SPIN1: variants seen among roughly 807,000 people sequenced by gnomAD.
SPIN1 encodes spindlin-1.
Under a neutral mutation model 26.0 loss-of-function variants are expected in SPIN1, and 3 were observed. The observed-to-expected ratio is 0.12, with a 90% CI of 0.05 to 0.30. SPIN1 has a LOEUF of 0.30. Among genes scored for constraint, SPIN1 ranks in the 10% least tolerant of loss-of-function variants. The pLI is 1.00. For missense variants in SPIN1, 126 were observed against 333.4 expected (o/e 0.38, Z 4.84); for synonymous variants, 101 against 116.5 (o/e 0.87, Z 0.86).
Position 88,401,730 on chromosome 9 carries a change from A to G in SPIN1, c.-159+13192A>G, listed in dbSNP as rs376094876. On this transcript the variant is annotated intron_variant, in intron 1 of 5. Transcript: ENST00000375859. ...GTGGAGCTGAAGGGATAAGAGGCCA[A>G]GGGCCAACTATATTACACAAAAAAT... Among the ~76,000 whole-genome samples the G allele has an allele frequency of 2.0e-5, 3 of 152,216 alleles. No individual in the cohort carries two copies. The South Asian group carries it at 6.2e-4, about 32-fold the overall frequency.
At chr9:88,436,871 TCTC>T (rs1828010925) in intron 2 of SPIN1, among the ~76,000 whole-genome samples, 1 of 148,448 alleles carries the variant, frequency 6.7e-6, no homozygotes. Context: ...TTCACGCCAT[TCTC>T]CTGCCTCAGC....
chr9:88,475,427 T>C lies in SPIN1; in HGVS notation c.*150T>C. 1 of 692,170 alleles carries C rather than the reference T, an allele frequency of 1.4e-6. No individual in the cohort carries two copies. Among genetic ancestry groups the C allele is most frequent in the South Asian group, 2.3e-5 (1 of 44,200 alleles). 42.9% of individuals were successfully genotyped at this position (692,170 alleles called of 1,614,324 possible). A position where few individuals can be genotyped will look rare whatever the true frequency, so the allele number is the denominator to read the frequency against. On this transcript the variant is annotated 3_prime_UTR_variant, in exon 6 of 6. Coordinates refer to ENST00000375859, the MANE Select transcript of SPIN1 (RefSeq NM_006717.3). ...GCAGAACTGGTTTTGTTCTGAATAGTACAGATTGATGTGAACACAAAGCAT... is the reference window on the plus strand; with the variant it reads ...GCAGAACTGGTTTTGTTCTGAATAGCACAGATTGATGTGAACACAAAGCAT...
intron 2 of SPIN1, among the ~76,000 whole-genome samples, chr9:88,432,045 T>G (rs1198770161): frequency 4.6e-5 from 7 of 152,134 alleles, no homozygotes; most frequent in African/African-American, 1.7e-4. Flanking sequence ...AAAAATAGAT[T>G]TATTCTGTAA....
chr9:88,391,593 C>T (rs1341751177), intron 1 of SPIN1: 3 of 152,174 alleles, frequency 2.0e-5, no homozygotes, highest in South Asian at 2.1e-4. Flanking sequence ...TACTTCTACT[C>T]CTGAGGCAAG....
intron 1 of SPIN1, among the ~76,000 whole-genome samples, chr9:88,416,323 TTTTA>T (rs1216476876): frequency 6.6e-6 from 1 of 152,126 alleles, no homozygotes; most frequent in Non-Finnish European, 1.5e-5. Context: ...CCTATTTTTG[TTTTA>T]TTTGTTTATT....
intron 3 of SPIN1, among the ~76,000 whole-genome samples, chr9:88,453,888 G>A (rs1228372789): frequency 6.6e-6 from 1 of 152,152 alleles, no homozygotes; most frequent in Non-Finnish European, 1.5e-5. Context: ...CTAAATTATG[G>A]CAATGAAAGG....
chr9:88,423,939 G>C (rs1827718971), intron 1 of SPIN1, among the ~76,000 whole-genome samples: 1 of 151,852 alleles, frequency 6.6e-6, no homozygotes. Context: ...CTAATTTTTT[G>C]TTGTGTTTTT....
chr9:88,427,593 T>TC (rs1491097295), intron 2 of SPIN1, among the ~76,000 whole-genome samples: 1 of 151,958 alleles, frequency 6.6e-6, no homozygotes, highest in Admixed American at 6.6e-5. Flanking sequence ...ACTTTTTTTT[T>TC]CTTTTTCTCT....
chr9:88,401,268 C>T (rs1157635615), intron 1 of SPIN1, among the ~76,000 whole-genome samples: 1 of 152,134 alleles, frequency 6.6e-6, no homozygotes, highest in Non-Finnish European at 1.5e-5. Context: ...AAATTAGAAA[C>T]AACTGTCCAA....
intron 4 of SPIN1, 108 bp downstream of exon 4, chr9:88,462,857 A>G (rs1828597834): frequency 1.6e-6 from 2 of 1,260,246 alleles, no homozygotes; most frequent in Admixed American, 2.7e-5. Context: ...GAACACAAGC[A>G]CCCTTCTTGA....
chr9:88,457,899 A>G, intron 3 of SPIN1: 10 of 984,960 alleles, frequency 1.0e-5, no homozygotes, highest in Non-Finnish European at 1.1e-5. Flanking sequence ...CTAAGATAGT[A>G]GCAAAATGAA....
intron 5 of SPIN1, among the ~76,000 whole-genome samples, chr9:88,471,803 T>C (rs368576397): frequency 1.1e-4 from 17 of 152,132 alleles, no homozygotes; most frequent in Non-Finnish European, 2.1e-4. Flanking sequence ...GTGGTAAATT[T>C]TGAGATCAAG....
intron 4 of SPIN1, 40 bp downstream of exon 4, chr9:88,462,789 A>G: frequency 6.5e-7 from 1 of 1,541,736 alleles, no homozygotes. Context: ...ATACTTTAAA[A>G]ATGATATTGA....
At chr9:88,393,947 A>G (rs1826994915) in intron 1 of SPIN1, among the ~76,000 whole-genome samples, 1 of 152,066 alleles carries the variant, frequency 6.6e-6, no homozygotes, top group African/African-American at 2.4e-5. Flanking sequence ...TCCCGGGTTC[A>G]AGCTATTCTC....
intron 4 of SPIN1, among the ~76,000 whole-genome samples, chr9:88,463,644 C>T (rs1828611759): frequency 6.6e-6 from 1 of 152,086 alleles, no homozygotes; most frequent in South Asian, 2.1e-4. Flanking sequence ...TTAATTCTGC[C>T]TTAGTAGCAA....
chr9:88,465,331 A>T (rs1828644702), intron 4 of SPIN1, among the ~76,000 whole-genome samples: 1 of 152,158 alleles, frequency 6.6e-6, no homozygotes, highest in African/African-American at 2.4e-5. Flanking sequence ...TATAATTTTA[A>T]TTTTAGTATC....
intron 1 of SPIN1, chr9:88,411,002 T>G: frequency 6.5e-7 from 1 of 1,549,600 alleles, no homozygotes; most frequent in East Asian, 2.2e-5. Flanking sequence ...GTTGTGGTCG[T>G]CAAAGGTTAC....
Position 88,448,921 on chromosome 9 carries a change from T to C in SPIN1, c.53-20T>C, listed in dbSNP as rs1439469857. The stretch of plus-strand genomic sequence containing the variant: ...TCTTTTATCTGGTTTTCATTGACTA[T>C]ATACTCATCTCTCTTACAGGCCATG... On this transcript the variant is annotated intron_variant, in intron 2 of 5. Coordinates refer to ENST00000375859, the MANE Select transcript of SPIN1 (RefSeq NM_006717.3). The C allele has an allele frequency of 1.2e-6, 2 of 1,612,594 alleles. No individual in the cohort carries two copies. The highest frequency in any genetic ancestry group is 1.7e-6 in the Non-Finnish European group (2 of 1,179,098).
chr9:88,410,615 G>T, intron 1 of SPIN1: 2 of 969,502 alleles, frequency 2.1e-6, no homozygotes, highest in Non-Finnish European at 3.3e-6. Flanking sequence ...GCATAGTATT[G>T]GCCTCCACCA....
Sources: allele counts gnomAD v4.1 joint callset (sites outside exome capture counted in the v4.1 genomes callset), GRCh38; gene constraint gnomAD v4.1.1; transcripts MANE v1.5; gene names NCBI Gene and HGNC (gene_info 2026-07-23, HGNC 2026-07-21).